The following SFXN5 variants were observed in gnomAD, a reference collection of about 807,000 sequenced individuals.
The protein encoded by SFXN5 is sideroflexin-5.
A neutral mutation model predicts 50.2 loss-of-function variants in SFXN5; 43 were observed. That is an observed-to-expected ratio of 0.86 (90% CI 0.67 to 1.11). SFXN5 has a LOEUF of 1.11. Among genes scored for constraint, SFXN5 ranks in the 50% least tolerant of loss-of-function variants. SFXN5 has a pLI of 0.00. For missense variants in SFXN5, 463 were observed against 454.1 expected (o/e 1.02, Z -0.18); for synonymous variants, 203 against 185.8 (o/e 1.09, Z -0.75).
intron 3 of SFXN5, among the ~76,000 whole-genome samples, chr2:73,033,107 A>G (rs1372233399): frequency 6.6e-6 from 1 of 152,182 alleles, no homozygotes; most frequent in Non-Finnish European, 1.5e-5. Flanking sequence ...TTAGGGCAAT[A>G]CGCTTAATCT....
chr2:72,988,155 C>T (rs1672133459), intron 10 of SFXN5, 103 bp downstream of exon 10: 2 of 1,050,424 alleles, frequency 1.9e-6, no homozygotes, highest in Non-Finnish European at 1.4e-6. Flanking sequence ...TGGGTGCCCC[C>T]TGGGCATCAG....
At chr2:72,983,964 C>A (rs1441178218) in intron 10 of SFXN5, among the ~76,000 whole-genome samples, 2 of 152,222 alleles carry the variant, frequency 1.3e-5, no homozygotes, top group African/African-American at 4.8e-5. Flanking sequence ...TGCCCAGCTT[C>A]CCAAACCATT....
At chr2:72,957,245 G>A (rs1559085006) in intron 13 of SFXN5, 2 of 352,860 alleles carry the variant, frequency 5.7e-6, no homozygotes, top group Middle Eastern at 3.9e-4. Context: ...AGACTTAAGG[G>A]GCATTAGGAA....
intron 6 of SFXN5, among the ~76,000 whole-genome samples, chr2:73,017,066 T>C (rs555134066): frequency 3.0e-4 from 45 of 152,308 alleles, no homozygotes; most frequent in African/African-American, 1.1e-3. Flanking sequence ...TTGTTTTCAG[T>C]GAATGTATAC....
chr2:73,054,373 GTTTTT>G (rs563688839), intron 2 of SFXN5, among the ~76,000 whole-genome samples: 2 of 152,004 alleles, frequency 1.3e-5, no homozygotes, highest in Non-Finnish European at 2.9e-5. Context: ...TAAATTAATA[GTTTTT>G]TTTAAGTATG....
chr2:73,051,340 C>T (rs1390637916), intron 2 of SFXN5, among the ~76,000 whole-genome samples: 3 of 145,272 alleles, frequency 2.1e-5, no homozygotes, highest in Admixed American at 7.4e-5. Flanking sequence ...CTCACTGCAA[C>T]CTCTGCTTCC....
chr2:72,964,893 C>A (rs994436658), intron 12 of SFXN5, among the ~76,000 whole-genome samples: 2 of 152,156 alleles, frequency 1.3e-5, no homozygotes, highest in African/African-American at 4.8e-5. Flanking sequence ...GGGTTCAGTC[C>A]CAGAATAATC....
intron 13 of SFXN5, among the ~76,000 whole-genome samples, chr2:72,946,339 A>C (rs954263918): frequency 6.6e-6 from 1 of 151,924 alleles, no homozygotes; most frequent in Non-Finnish European, 1.5e-5. Context: ...CCTCCCACTG[A>C]CTTTTCAACC....
intron 3 of SFXN5, among the ~76,000 whole-genome samples, chr2:73,029,351 T>G (rs965557790): frequency 6.6e-6 from 1 of 152,220 alleles, no homozygotes; most frequent in Non-Finnish European, 1.5e-5. Flanking sequence ...AAATGACATA[T>G]GCATATATAA....
At chr2:73,067,616 C>G (rs1328921238) in intron 1 of SFXN5, among the ~76,000 whole-genome samples, 1 of 152,018 alleles carries the variant, frequency 6.6e-6, no homozygotes, top group African/African-American at 2.4e-5. Context: ...TTTAGAGATA[C>G]CTACTAGTGG....
intron 6 of SFXN5, among the ~76,000 whole-genome samples, chr2:73,018,264 G>C (rs1375800952): frequency 6.6e-6 from 1 of 150,812 alleles, no homozygotes; most frequent in Non-Finnish European, 1.5e-5. Flanking sequence ...AAAAGGAAAG[G>C]AGAAAGGAAA....
At chr2:72,996,174 G>A (rs987238650) in intron 9 of SFXN5, among the ~76,000 whole-genome samples, 2 of 152,192 alleles carry the variant, frequency 1.3e-5, no homozygotes, top group African/African-American at 2.4e-5. Context: ...GAGTTTCCAG[G>A]ACTTGTGAGG....
rs148623413 is a variant in SFXN5, at chr2:72,970,669, T to C, written c.741+901A>G. Among the ~76,000 whole-genome samples the C allele has an allele frequency of 1.3e-3, 201 of 150,730 alleles. 1 individual carries two copies. Among genetic ancestry groups the C allele is most frequent in the African/African-American group, 4.6e-3 (190 of 41,116 alleles). On this transcript the variant is annotated intron_variant, in intron 11 of 13. Coordinates refer to ENST00000272433, the MANE Select transcript of SFXN5 (RefSeq NM_144579.3). ...CAAAGGCTGGGAAAGCAGAGGGAGA[T>C]GTACACATGGACTCATGGACTGCGT... is the stretch of plus-strand genomic sequence containing the variant.
At chr2:73,033,185 A>C (rs1368865703) in intron 3 of SFXN5, among the ~76,000 whole-genome samples, 1 of 152,222 alleles carries the variant, frequency 6.6e-6, no homozygotes, top group East Asian at 1.9e-4. Context: ...TGTGAAAATT[A>C]ATAATTAATT....
rs1222663368 is a variant in SFXN5, at chr2:72,961,010, C to T, written c.945+121G>A. 2 of 638,428 alleles carry T rather than the reference C, an allele frequency of 3.1e-6. No homozygotes were observed. The highest frequency in any genetic ancestry group is 4.9e-6 in the Non-Finnish European group (2 of 411,780). The allele number at this position is 638,428 out of a possible 1,614,324, so 39.5% of individuals were successfully genotyped here. ...GGCCAGAGCCTGGGCCAGCCTCATT[C>T]ACGGTTCCAGCCCCAGCGCCTAGCA... On this transcript the variant is annotated intron_variant, in intron 13 of 13. Transcript: ENST00000272433. The surrounding 1 kb of genome is among the most constrained non-coding windows in gnomAD (Gnocchi z 4.4).
intron 3 of SFXN5, among the ~76,000 whole-genome samples, chr2:73,038,010 CA>C (rs1307296562): frequency 1.1e-4 from 16 of 152,274 alleles, no homozygotes; most frequent in African/African-American, 3.9e-4. Flanking sequence ...TTGCAAGGAG[CA>C]CTGAAAATAC....
intron 3 of SFXN5, among the ~76,000 whole-genome samples, chr2:73,038,411 G>A (rs989302661): frequency 2.6e-5 from 4 of 152,298 alleles, no homozygotes; most frequent in African/African-American, 9.6e-5. Flanking sequence ...GGGTGAATGT[G>A]AAGGCCTAGG....
intron 1 of SFXN5, among the ~76,000 whole-genome samples, chr2:73,067,610 G>A (rs565791671): frequency 4.6e-5 from 7 of 152,190 alleles, no homozygotes; most frequent in Admixed American, 6.5e-5. Flanking sequence ...TTATTTTTTA[G>A]AGATACCTAC....
At chr2:73,020,135 T>C in intron 6 of SFXN5, 104 bp downstream of exon 6, 1 of 1,074,072 alleles carries the variant, frequency 9.3e-7, no homozygotes, top group East Asian at 2.5e-5. Flanking sequence ...GGAATTGACT[T>C]ATCCTAAATC....
Sources: gnomAD v4.1 joint callset for allele counts (sites outside exome capture counted in the v4.1 genomes callset) on GRCh38, gnomAD v4.1.1 for gene constraint, Gnocchi (gnomAD v3.1) non-coding constraint, MANE v1.5 for transcripts, NCBI Gene and HGNC (gene_info 2026-07-23, HGNC 2026-07-21) for gene names.